The following KCNH7 variants were observed in gnomAD, a reference collection of about 807,000 sequenced individuals.
KCNH7 encodes voltage-gated inwardly rectifying potassium channel KCNH7.
A neutral mutation model predicts 120.8 loss-of-function variants in KCNH7; 49 were observed. The observed-to-expected ratio is 0.41, with a 90% CI of 0.32 to 0.51. The LOEUF is 0.51. Among genes scored for constraint, KCNH7 ranks in the 20% least tolerant of loss-of-function variants. The probability of loss-of-function intolerance (pLI) is 0.38; values close to 1 mark genes in which losing one functional copy is unlikely to be tolerated. For synonymous variants in KCNH7, 547 were observed against 516.1 expected, an observed-to-expected ratio of 1.06 and a Z score of -0.81; for missense variants, 1,097 against 1,446.6, an observed-to-expected ratio of 0.76 and a Z score of 3.92.
chr2:162,438,270 C>T (rs1315141358), intron 7 of KCNH7, among the ~76,000 whole-genome samples: 1 of 152,114 alleles, frequency 6.6e-6, no homozygotes, highest in African/African-American at 2.4e-5. Flanking sequence ...ATAAGAAGAG[C>T]AATGAAATCT....
At chr2:162,718,448 G>A (rs905784486) in intron 2 of KCNH7, among the ~76,000 whole-genome samples, 1 of 151,990 alleles carries the variant, frequency 6.6e-6, no homozygotes. Flanking sequence ...CTCTTTGAGA[G>A]TAGACTTGGT....
At chr2:162,530,235 C>T (rs1470094089) in intron 3 of KCNH7, among the ~76,000 whole-genome samples, 2 of 151,990 alleles carry the variant, frequency 1.3e-5, no homozygotes. Context: ...ATATTTTCTA[C>T]TGTGTATTTC....
At chr2:162,708,723 A>T (rs1039617779) in intron 2 of KCNH7, among the ~76,000 whole-genome samples, 2 of 152,104 alleles carry the variant, frequency 1.3e-5, no homozygotes, top group Non-Finnish European at 2.9e-5. Flanking sequence ...ATTTGATGAC[A>T]AATATATAAT....
intron 2 of KCNH7, among the ~76,000 whole-genome samples, chr2:162,729,324 C>T (rs1687639730): frequency 6.6e-6 from 1 of 152,086 alleles, no homozygotes; most frequent in South Asian, 2.1e-4. Flanking sequence ...CGACACCACG[C>T]CCGGCTAATT....
intron 6 of KCNH7, among the ~76,000 whole-genome samples, chr2:162,485,930 C>G (rs1335343688): frequency 6.6e-6 from 1 of 152,152 alleles, no homozygotes; most frequent in African/African-American, 2.4e-5. Context: ...CTCACTCAAT[C>G]TCACTGAACT....
rs375545621 is a variant in KCNH7 at position 162,507,235 on chromosome 2, G to A, written c.914-2578C>T. On this transcript the variant is annotated intron_variant, in intron 5 of 15. Coordinates refer to ENST00000332142, the MANE Select transcript of KCNH7 (RefSeq NM_033272.4). ...TAGTTTACAATCTGTGTTTGGAGCT[G>A]TTATTTGCAAATATGTAAGCTAAGA... Among the ~76,000 whole-genome samples, 80 of 151,756 alleles carry A rather than the reference G, an allele frequency of 5.3e-4. 4 individuals are homozygous for A. The South Asian group carries it at 5.8e-3, about 11-fold the overall frequency.
chr2:162,770,753 T>C (rs539824433), intron 2 of KCNH7, among the ~76,000 whole-genome samples: 4 of 152,292 alleles, frequency 2.6e-5, no homozygotes, highest in Non-Finnish European at 5.9e-5. Context: ...TGAAGACATC[T>C]ATATTTCTAA....
intron 9 of KCNH7, among the ~76,000 whole-genome samples, chr2:162,419,050 G>A (rs1356412728): frequency 6.6e-6 from 1 of 151,646 alleles, no homozygotes; most frequent in African/African-American, 2.4e-5. Context: ...TCTAGTCTCT[G>A]CTTGACCTAG....
chr2:162,644,980 T>C (rs886823909), intron 2 of KCNH7, among the ~76,000 whole-genome samples: 1 of 152,178 alleles, frequency 6.6e-6, no homozygotes, highest in Non-Finnish European at 1.5e-5. Flanking sequence ...TATAAATTTC[T>C]AAAAATCATT....
At chr2:162,508,814 G>A (rs1284085330) in intron 5 of KCNH7, among the ~76,000 whole-genome samples, 1 of 151,280 alleles carries the variant, frequency 6.6e-6, no homozygotes, top group Non-Finnish European at 1.5e-5. Flanking sequence ...TGAACAGATG[G>A]GATTTAGGAT....
chr2:162,768,703 G>T (rs1476407815), intron 2 of KCNH7, among the ~76,000 whole-genome samples: 1 of 152,108 alleles, frequency 6.6e-6, no homozygotes, highest in South Asian at 2.1e-4. Flanking sequence ...CTTTTCATAG[G>T]ATTTAGCCAG....
intron 2 of KCNH7, among the ~76,000 whole-genome samples, chr2:162,792,428 A>G (rs972868809): frequency 3.3e-5 from 5 of 151,794 alleles, no homozygotes; most frequent in African/African-American, 1.2e-4. Context: ...TTTTTTGGTT[A>G]GTAAGCTATT....
chr2:162,377,181 C>T (rs1210415795), intron 14 of KCNH7, among the ~76,000 whole-genome samples: 1 of 150,954 alleles, frequency 6.6e-6, no homozygotes, highest in Non-Finnish European at 1.5e-5. Context: ...CATGTAACTT[C>T]TAGAATAAAG....
chr2:162,547,274 C>G (rs1559007708), intron 2 of KCNH7, among the ~76,000 whole-genome samples: 1 of 152,118 alleles, frequency 6.6e-6, no homozygotes, highest in Non-Finnish European at 1.5e-5. Flanking sequence ...GATTACAATT[C>G]AAAGCCTAAC....
At chr2:162,649,448 T>A (rs1486951528) in intron 2 of KCNH7, among the ~76,000 whole-genome samples, 1 of 152,238 alleles carries the variant, frequency 6.6e-6, no homozygotes, top group Non-Finnish European at 1.5e-5. Flanking sequence ...AATGAATTTG[T>A]AATATTTACT....
chr2:162,604,760 T>C (rs1210559057), intron 2 of KCNH7, among the ~76,000 whole-genome samples: 1 of 152,076 alleles, frequency 6.6e-6, no homozygotes, highest in Non-Finnish European at 1.5e-5. Flanking sequence ...TCTAAATTTT[T>C]CATATCCATC....
chr2:162,499,846 T>G (rs1690617117), intron 6 of KCNH7, among the ~76,000 whole-genome samples: 1 of 152,112 alleles, frequency 6.6e-6, no homozygotes, highest in African/African-American at 2.4e-5. Flanking sequence ...TCACTCCAGA[T>G]TTTTATTCCT....
chr2:162,656,091 T>C (rs1442734787), intron 2 of KCNH7, among the ~76,000 whole-genome samples: 1 of 152,218 alleles, frequency 6.6e-6, no homozygotes, highest in Non-Finnish European at 1.5e-5. Flanking sequence ...TGTATATAAA[T>C]TTTGTAAAAC....
intron 6 of KCNH7, among the ~76,000 whole-genome samples, chr2:162,473,733 A>T (rs970552046): frequency 1.3e-5 from 2 of 152,358 alleles, no homozygotes; most frequent in Non-Finnish European, 2.9e-5. Flanking sequence ...ATAGAGAAAT[A>T]ACAATGGCGA....
Sources: allele counts gnomAD v4.1 joint callset (sites outside exome capture counted in the v4.1 genomes callset), GRCh38; gene constraint gnomAD v4.1.1; transcripts MANE v1.5; gene names NCBI Gene and HGNC (gene_info 2026-07-23, HGNC 2026-07-21).